SLC43A2: variants seen among roughly 807,000 people sequenced by gnomAD.
SLC43A2 encodes solute carrier family 43 member 2.
Under a neutral mutation model 63.2 loss-of-function variants are expected in SLC43A2, and 38 were observed. The observed-to-expected ratio is 0.60, with a 90% CI of 0.46 to 0.79. The LOEUF (loss-of-function observed/expected upper bound fraction) is 0.79, where lower values mean the gene tolerates loss of function less well. Ranked by LOEUF, SLC43A2 falls within the 30% of genes least tolerant of loss-of-function variation. SLC43A2 has a pLI of 0.00. For missense variants in SLC43A2, 644 were observed against 756.2 expected, an observed-to-expected ratio of 0.85 and a Z score of 1.74; for synonymous variants, 322 against 331.0, an observed-to-expected ratio of 0.97 and a Z score of 0.30.
intron 9 of SLC43A2, chr17:1,586,862 G>C: frequency 7.0e-7 from 1 of 1,435,722 alleles, no homozygotes; most frequent in Non-Finnish European, 9.4e-7. Context: ...TCTGGAGCTT[G>C]AGGTGAGGAG....
chr17:1,579,149 AAT>A (rs199666411), intron 11 of SLC43A2, among the ~76,000 whole-genome samples: 17,969 of 138,330 alleles, frequency 0.13, 1,466 homozygotes, highest in African/African-American at 0.22. Flanking sequence ...AAAAAAAAAA[AAT>A]AATAATAATA....
At chr17:1,597,374 G>A (rs555556759) in intron 5 of SLC43A2, among the ~76,000 whole-genome samples, 154 of 150,560 alleles carry the variant, frequency 1.0e-3, no homozygotes, top group African/African-American at 3.5e-3. Context: ...GCATGGTGAC[G>A]TGCACCTGTA....
At chr17:1,582,613 T>C (rs2076036754) in intron 11 of SLC43A2, among the ~76,000 whole-genome samples, 1 of 152,206 alleles carries the variant, frequency 6.6e-6, no homozygotes, top group African/African-American at 2.4e-5. Context: ...TCCACGGTTA[T>C]GCAAGACGCC....
intron 5 of SLC43A2, among the ~76,000 whole-genome samples, chr17:1,600,306 A>C (rs1381699574): frequency 7.0e-6 from 1 of 142,494 alleles, no homozygotes; most frequent in Non-Finnish European, 1.5e-5. Flanking sequence ...GCCTGCCACG[A>C]CGCCTGGCTA....
intron 2 of SLC43A2, among the ~76,000 whole-genome samples, chr17:1,621,887 G>C (rs1190962614): frequency 6.6e-6 from 1 of 152,224 alleles, no homozygotes; most frequent in Non-Finnish European, 1.5e-5. Context: ...AAAATGCTGA[G>C]AGAACAGAGC....
intron 11 of SLC43A2, among the ~76,000 whole-genome samples, chr17:1,579,662 C>T (rs1341888555): frequency 6.6e-6 from 1 of 151,634 alleles, no homozygotes; most frequent in Non-Finnish European, 1.5e-5. Context: ...ATGTCAAGAC[C>T]CCATCTCTGC....
In SLC43A2 at chr17:1,584,097, G is replaced by A. The variant is rs9903190; in HGVS notation, c.1218-761C>T. ...TTTTGTAGAGACAGGGTTTCACCAT[G>A]TTAGCCAGGATGGTCTCGATCTTCT... On this transcript the variant is annotated intron_variant, in intron 10 of 13. Coordinates refer to ENST00000301335, the MANE Select transcript of SLC43A2 (RefSeq NM_152346.3). Among the ~76,000 whole-genome samples, 798 of 152,166 alleles carry A rather than the reference G, an allele frequency of 5.2e-3. 10 individuals are homozygous for A. Among genetic ancestry groups the A allele is most frequent in the African/African-American group, 0.018 (761 of 41,522 alleles).
Position 1,605,343 on chromosome 17 carries a change from G to T in SLC43A2, c.501+7852C>A. The T allele has an allele frequency of 1.7e-6, 1 of 575,742 alleles. No individual in the cohort carries two copies. Among genetic ancestry groups the T allele is most frequent in the Non-Finnish European group, 2.2e-6 (1 of 445,154 alleles). 35.7% of individuals were successfully genotyped at this position (575,742 alleles called of 1,614,324 possible). On this transcript the variant is annotated intron_variant, in intron 5 of 13. Transcript: ENST00000301335. The surrounding 1 kb of genome is among the most constrained non-coding windows in gnomAD (Gnocchi z 4.9). ...CCCCTCCCCTGGCATTCTGGCCATA[G>T]AGCATGACCACCGGACAGGAGTGCC...
At chr17:1,595,998 C>T (rs938485119) in intron 5 of SLC43A2, among the ~76,000 whole-genome samples, 2 of 152,124 alleles carry the variant, frequency 1.3e-5, no homozygotes, top group Non-Finnish European at 2.9e-5. Context: ...AAATTTAAAA[C>T]CTCTGTGCTT....
chr17:1,587,067 G>GCA, intron 9 of SLC43A2: 1 of 761,424 alleles, frequency 1.3e-6, no homozygotes, highest in Non-Finnish European at 1.9e-6. Flanking sequence ...TCCATGCCCA[G>GCA]CACGCACTGC....
At chr17:1,586,928 T>TGGGG in intron 9 of SLC43A2, 840 of 1,231,086 alleles carry the variant, frequency 6.8e-4, no homozygotes, top group Non-Finnish European at 8.7e-4. Context: ...TCCCTGACAA[T>TGGGG]CCCCCCCACC....
chr17:1,619,988 A>G (rs1293414619), intron 2 of SLC43A2, among the ~76,000 whole-genome samples: 1 of 152,240 alleles, frequency 6.6e-6, no homozygotes. Context: ...TAAAGGCACC[A>G]GGGACCTCCA....
Position 1,593,236 on chromosome 17 carries a change from A to G in SLC43A2, c.545T>C (p.Leu182Ser). 1.9e-6 allele frequency: 3 copies of G among 1,614,096 alleles called. No homozygotes were observed. The highest frequency in any genetic ancestry group is 2.5e-6 in the Non-Finnish European group (3 of 1,179,998). Residue 182 changes from leucine (L) to serine (S), a missense_variant, in exon 6 of 14, where the codon TTG becomes TCG. Leu to Ser is a moderately radical substitution (Grantham distance 145, BLOSUM62 -2). Around this residue, in one of 3 missense-constraint regions of SLC43A2, gnomAD observed 528 missense variants for 623.6 expected, o/e 0.85. Transcript: ENST00000301335. The surrounding 1 kb of genome is among the most constrained non-coding windows in gnomAD (Gnocchi z 5.3). ...FGDLRSTFIA[L>S]MIGSYASSAV... is the part of the protein sequence containing the mutation. ...CGAGGAGGCGTAGGACCCAATCATC[A>G]AGGCAATAAACGTGGACCGAAGGTC...
chr17:1,593,201 A>C lies in SLC43A2; in HGVS notation c.580T>G (p.Phe194Val). The change falls in exon 6 of 14, where the codon TTT becomes GTT. Residue 194 changes from phenylalanine to valine, a missense_variant. Around this residue, in one of 3 missense-constraint regions of SLC43A2, gnomAD observed 528 missense variants for 623.6 expected, o/e 0.85. Coordinates refer to ENST00000301335, the MANE Select transcript of SLC43A2 (RefSeq NM_152346.3). This position sits in a 1 kb window ranked among gnomAD's most constrained non-coding sequence, Gnocchi z 5.3. ...CACGTGCTCACCTTGATTCCTGGAA[A>C]GGTGACTGCCGAGGAGGCGTAGGAC... ...IGSYASSAVT[F>V]PGIKLIYDAG... is the part of the protein sequence containing the mutation. 1 of 1,613,990 alleles carries C rather than the reference A, an allele frequency of 6.2e-7. No individual in the cohort carries two copies. The highest frequency in any genetic ancestry group is 8.5e-7 in the Non-Finnish European group (1 of 1,179,958).
intron 9 of SLC43A2, chr17:1,587,085 A>ACGCTGCGTTTCCCG (rs1555537667): frequency 5.7e-6 from 4 of 696,940 alleles, no homozygotes; most frequent in African/African-American, 1.8e-5. Context: ...TGCATTTCCC[A>ACGCTGCGTTTCCCG]CACTGCGTTT....
chr17:1,616,687 G>C lies in SLC43A2; in HGVS notation c.243C>G (p.Cys81Trp). The C allele has an allele frequency of 6.2e-7, 1 of 1,614,060 alleles. No homozygotes were observed. The highest frequency in any genetic ancestry group is 2.2e-5 in the East Asian group (1 of 44,884). ...AATTTAGCATCTCGTCCTGGGCCTG[G>C]CAGCTGAGCCAGCCGTTCATCCAGC... ...EVSWMNGWLS[C>W]QAQDEMLNLA... The change falls in exon 3 of 14, where the codon TGC becomes TGG. Residue 81 changes from cysteine to tryptophan, a missense_variant. Physicochemically the swap from Cys to Trp is radical, Grantham distance 215 (BLOSUM62 -2). Coordinates refer to ENST00000301335, the MANE Select transcript of SLC43A2 (RefSeq NM_152346.3).
Position 1,606,191 on chromosome 17 carries a change from CG to C in SLC43A2, c.501+7003del, listed in dbSNP as rs1567636780. Among the ~76,000 whole-genome samples the C allele has an allele frequency of 6.6e-6, 1 of 151,598 alleles. No individual in the cohort carries two copies. Among genetic ancestry groups the C allele is most frequent in the East Asian group, 2.0e-4 (1 of 4,988 alleles). ...CTCTCCTGGACCCTCCAGAGCTGGC[CG>C]GGGGCCACCGTGGGACCCTCTCCTG... On this transcript the variant is annotated intron_variant, in intron 5 of 13. Coordinates refer to ENST00000301335, the MANE Select transcript of SLC43A2 (RefSeq NM_152346.3). This position sits in a 1 kb window ranked among gnomAD's most constrained non-coding sequence, Gnocchi z 4.7.
chr17:1,593,078 T>A lies in SLC43A2; in HGVS notation c.594+109A>T, dbSNP rs980102095. The A allele has an allele frequency of 6.0e-5, 61 of 1,012,998 alleles. No homozygotes were observed. Among genetic ancestry groups the A allele is most frequent in the Non-Finnish European group, 1.7e-5 (11 of 666,058 alleles). 62.8% of individuals were successfully genotyped at this position (1,012,998 alleles called of 1,614,324 possible). On this transcript the variant is annotated intron_variant, in intron 6 of 13. Coordinates refer to ENST00000301335, the MANE Select transcript of SLC43A2 (RefSeq NM_152346.3). This position sits in a 1 kb window ranked among gnomAD's most constrained non-coding sequence, Gnocchi z 5.3. ...GTGCATCCTGCCCGGGTGGGGGTGG[T>A]GGAGAGGGGCCACCCCGGGTGCCCA...
intron 2 of SLC43A2, among the ~76,000 whole-genome samples, chr17:1,617,329 A>G (rs1487680699): frequency 6.6e-6 from 1 of 152,054 alleles, no homozygotes; most frequent in Non-Finnish European, 1.5e-5. Context: ...GCCTCCTTCA[A>G]TGGGAAGTCC....
Sources: allele counts gnomAD v4.1 joint callset (sites outside exome capture counted in the v4.1 genomes callset), GRCh38; gene constraint gnomAD v4.1.1; regional missense constraint gnomAD v4.1.1; non-coding constraint Gnocchi (gnomAD v3.1); transcripts MANE v1.5; gene names NCBI Gene and HGNC (gene_info 2026-07-23, HGNC 2026-07-21).